The following LRRTM4 variants were observed in gnomAD, a reference collection of about 807,000 sequenced individuals.
The protein encoded by LRRTM4 is leucine-rich repeat transmembrane neuronal protein 4.
Under a neutral mutation model 47.6 loss-of-function variants are expected in LRRTM4, and 25 were observed. That is an observed-to-expected ratio of 0.53 (90% CI 0.38 to 0.73). The LOEUF is 0.73. LRRTM4 is among the 30% of genes least tolerant of loss of function. The pLI, the probability that LRRTM4 is intolerant of heterozygous loss-of-function variation, is 0.00. For synonymous variants in LRRTM4, 311 were observed against 269.5 expected (o/e 1.15, Z -1.51); for missense variants, 638 against 713.4 (o/e 0.89, Z 1.20).
intron 3 of LRRTM4, among the ~76,000 whole-genome samples, chr2:77,154,658 T>C (rs1672512714): frequency 6.6e-6 from 1 of 152,178 alleles, no homozygotes; most frequent in South Asian, 2.1e-4. Flanking sequence ...ACAAAGGTAA[T>C]TTACATTTAT....
At chr2:76,992,203 G>A (rs372720485) in intron 3 of LRRTM4, among the ~76,000 whole-genome samples, 2 of 151,756 alleles carry the variant, frequency 1.3e-5, no homozygotes, top group East Asian at 3.9e-4. Context: ...AATGCTGGAA[G>A]CATTATCCTT....
At chr2:77,179,058 C>T (rs1673278370) in intron 3 of LRRTM4, among the ~76,000 whole-genome samples, 1 of 152,072 alleles carries the variant, frequency 6.6e-6, no homozygotes, top group African/African-American at 2.4e-5. Context: ...TTTAAAAACC[C>T]TTTCTATGAG....
At chr2:76,927,088 A>T (rs969266126) in intron 3 of LRRTM4, among the ~76,000 whole-genome samples, 1 of 152,124 alleles carries the variant, frequency 6.6e-6, no homozygotes, top group Non-Finnish European at 1.5e-5. Flanking sequence ...ATTTTTGGTT[A>T]TTAGCCACTT....
Position 77,518,494 on chromosome 2 carries a change from G to T in LRRTM4, c.1375C>A (p.Gln459Lys), listed in dbSNP as rs1679322526. The T allele has an allele frequency of 6.2e-7, 1 of 1,613,318 alleles. No individual in the cohort carries two copies. Among genetic ancestry groups the T allele is most frequent in the African/African-American group, 1.3e-5 (1 of 74,884 alleles). Residue 459 changes from glutamine (Q) to lysine (K), a missense_variant, in exon 3 of 4, where the codon CAA becomes AAA. Coordinates refer to ENST00000409884, the MANE Select transcript of LRRTM4 (RefSeq NM_001134745.3). ...RYPASMKQLQQHSLMKRRRKK... is the reference protein window; with the variant it reads ...RYPASMKQLQKHSLMKRRRKK... ...CGCCGCCTCTTCATAAGAGAGTGTT[G>T]CTGGAGTTGTTTCATGCTGGCTGGG... is the stretch of plus-strand genomic sequence containing the variant.
At chr2:76,785,283 T>C (rs1466178413) in intron 3 of LRRTM4, among the ~76,000 whole-genome samples, 3 of 152,148 alleles carry the variant, frequency 2.0e-5, no homozygotes, top group African/African-American at 7.2e-5. Context: ...GGACTACAGT[T>C]CTGCTCCTCA....
At chr2:77,405,321 G>A (rs1573369737) in intron 3 of LRRTM4, among the ~76,000 whole-genome samples, 1 of 152,034 alleles carries the variant, frequency 6.6e-6, no homozygotes, top group Non-Finnish European at 1.5e-5. Flanking sequence ...AAACTGAAGT[G>A]GGGGTGGAGG....
intron 3 of LRRTM4, among the ~76,000 whole-genome samples, chr2:76,848,069 C>T (rs907073662): frequency 5.3e-5 from 8 of 151,988 alleles, no homozygotes; most frequent in Non-Finnish European, 7.4e-5. Context: ...GCTCATTCTT[C>T]ATTCTTTCCT....
chr2:76,885,264 T>G (rs1573255660), intron 3 of LRRTM4, among the ~76,000 whole-genome samples: 1 of 151,848 alleles, frequency 6.6e-6, no homozygotes, highest in African/African-American at 2.4e-5. Context: ...TTGAAAAGAG[T>G]GATCCTTTTT....
rs569105441 is a variant in LRRTM4, at chr2:76,894,812, A to G, written c.1552-145896T>C. On this transcript the variant is annotated intron_variant, in intron 3 of 3. Coordinates refer to ENST00000409884, the MANE Select transcript of LRRTM4 (RefSeq NM_001134745.3). ...ATTTGCATATAAATATACAATTTCAATAATTACAGCATATAATACGTCTGT... is the reference window on the plus strand; with the variant it reads ...ATTTGCATATAAATATACAATTTCAGTAATTACAGCATATAATACGTCTGT... Among the ~76,000 whole-genome samples, 80 of 151,990 alleles carry G rather than the reference A, an allele frequency of 5.3e-4. 1 individual carries two copies. Among genetic ancestry groups the G allele is most frequent in the Non-Finnish European group, 8.4e-4 (57 of 67,918 alleles).
chr2:77,055,187 G>C (rs1418805290), intron 3 of LRRTM4, among the ~76,000 whole-genome samples: 1 of 151,590 alleles, frequency 6.6e-6, no homozygotes, highest in African/African-American at 2.4e-5. Context: ...CTGCCCTGCT[G>C]CTTTCTCCAT....
intron 3 of LRRTM4, among the ~76,000 whole-genome samples, chr2:76,901,329 G>A (rs183176233): frequency 6.6e-6 from 1 of 152,174 alleles, no homozygotes; most frequent in Non-Finnish European, 1.5e-5. Context: ...GCATTAGTTT[G>A]CTTAGGATGA....
At chr2:76,873,523 T>TTCATCAG (rs1672696676) in intron 3 of LRRTM4, among the ~76,000 whole-genome samples, 4 of 115,692 alleles carry the variant, frequency 3.5e-5, no homozygotes, top group African/African-American at 1.1e-4. Flanking sequence ...TATATATATA[T>TTCATCAG]ATATATATAT....
In LRRTM4 at chr2:77,343,970, G is replaced by A. The variant is rs531461010; in HGVS notation, c.1551+174348C>T. On this transcript the variant is annotated intron_variant, in intron 3 of 3. Transcript: ENST00000409884. Reference sequence around the variant, plus strand: ...CTCAGGGAATTAGATTATTGCAGTGGAGAAATAGAACGAAGGATACGATGG... The same window carrying A: ...CTCAGGGAATTAGATTATTGCAGTGAAGAAATAGAACGAAGGATACGATGG... Among the ~76,000 whole-genome samples the A allele has an allele frequency of 6.6e-5, 10 of 151,932 alleles. No individual in the cohort carries two copies. The South Asian group carries it at 8.3e-4, about 13-fold the overall frequency.
In LRRTM4 at chr2:76,977,269, A is replaced by AT. The variant is rs146883940; in HGVS notation, c.1552-228354dup. ...CTGATTTTCTGTACACTTCCCCCTA[A>AT]TTTTTTTTTTTCATATTTGAAATGT... is the stretch of plus-strand genomic sequence containing the variant. On this transcript the variant is annotated intron_variant, in intron 3 of 3. Transcript: ENST00000409884. Among the ~76,000 whole-genome samples, 426 of 146,320 alleles carry AT rather than the reference A, an allele frequency of 2.9e-3. 3 individuals are homozygous for AT. Among genetic ancestry groups the AT allele is most frequent in the East Asian group, 0.019 (92 of 4,960 alleles).
chr2:77,018,572 G>A (rs1173599826), intron 3 of LRRTM4, among the ~76,000 whole-genome samples: 1 of 152,028 alleles, frequency 6.6e-6, no homozygotes, highest in East Asian at 1.9e-4. Flanking sequence ...CATTTCTGGT[G>A]ATAACATCAG....
At chr2:76,832,344 C>A (rs777049096) in intron 3 of LRRTM4, among the ~76,000 whole-genome samples, 1 of 151,754 alleles carries the variant, frequency 6.6e-6, no homozygotes, top group East Asian at 1.9e-4. Flanking sequence ...CACACACATA[C>A]ACACAGACAC....
intron 3 of LRRTM4, among the ~76,000 whole-genome samples, chr2:77,188,069 CTT>C (rs1413284671): frequency 6.6e-6 from 1 of 152,094 alleles, no homozygotes; most frequent in Non-Finnish European, 1.5e-5. Context: ...AGTGTGATGA[CTT>C]TGAATATATT....
intron 3 of LRRTM4, among the ~76,000 whole-genome samples, chr2:76,875,092 A>G (rs1478860482): frequency 6.6e-6 from 1 of 152,084 alleles, no homozygotes; most frequent in African/African-American, 2.4e-5. Context: ...ATGACAGAAA[A>G]TGAAAGCTTC....
intron 3 of LRRTM4, among the ~76,000 whole-genome samples, chr2:77,206,619 G>C (rs1674134469): frequency 6.6e-6 from 1 of 151,910 alleles, no homozygotes; most frequent in Non-Finnish European, 1.5e-5. Context: ...CGAGTAGCTG[G>C]GACTGCAGAG....
Sources: gnomAD v4.1 joint callset for allele counts (sites outside exome capture counted in the v4.1 genomes callset) on GRCh38, gnomAD v4.1.1 for gene constraint, MANE v1.5 for transcripts, NCBI Gene and HGNC (gene_info 2026-07-23, HGNC 2026-07-21) for gene names.